Variants in RAD51B observed in about 807,000 individuals in gnomAD.
RAD51B encodes DNA repair protein RAD51 homolog 2.
In RAD51B, 38 loss-of-function variants were observed where a neutral mutation model predicts 42.2. The observed-to-expected ratio is 0.90, with a 90% CI of 0.70 to 1.18. The LOEUF is 1.18. Ranked by LOEUF, RAD51B falls within the 50% of genes most tolerant of loss-of-function variation. RAD51B has a pLI of 0.00. For synonymous variants in RAD51B, 154 were observed against 145.2 expected (o/e 1.06, Z -0.43); for missense variants, 373 against 400.7 (o/e 0.93, Z 0.59).
At chr14:68,011,695 AC>A (rs1172325534) in intron 7 of RAD51B, among the ~76,000 whole-genome samples, 1 of 151,980 alleles carries the variant, frequency 6.6e-6, no homozygotes, top group Non-Finnish European at 1.5e-5. Flanking sequence ...TGGACTCTGA[AC>A]CTGTTTTTGT....
chr14:68,159,539 G>T (rs2078591560), intron 7 of RAD51B, among the ~76,000 whole-genome samples: 1 of 151,244 alleles, frequency 6.6e-6, no homozygotes, highest in African/African-American at 2.4e-5. Flanking sequence ...AGAATCACTT[G>T]AACCTGGGAG....
intron 7 of RAD51B, among the ~76,000 whole-genome samples, chr14:68,166,965 A>G (rs1026777985): frequency 2.0e-5 from 3 of 151,956 alleles, no homozygotes; most frequent in Non-Finnish European, 2.9e-5. Flanking sequence ...TTACTACCTT[A>G]ATTCGGCTTT....
At chr14:68,074,732 G>T (rs1269667823) in intron 7 of RAD51B, among the ~76,000 whole-genome samples, 2 of 152,194 alleles carry the variant, frequency 1.3e-5, no homozygotes, top group African/African-American at 2.4e-5. Context: ...GAGGGCCGAG[G>T]CTTTGTGCAG....
chr14:68,353,954 A>G (rs2082842267), intron 8 of RAD51B, among the ~76,000 whole-genome samples: 1 of 152,210 alleles, frequency 6.6e-6, no homozygotes, highest in Admixed American at 6.5e-5. Context: ...CCTAAGTCAC[A>G]TGTATACGTT....
At chr14:67,850,483 G>A (rs1351087609) in intron 4 of RAD51B, among the ~76,000 whole-genome samples, 2 of 152,118 alleles carry the variant, frequency 1.3e-5, no homozygotes, top group African/African-American at 4.8e-5. Flanking sequence ...TGTATATTGG[G>A]CTGTGGAGTT....
At chr14:68,592,145 C>G (rs2140079543) in intron 10 of RAD51B, among the ~76,000 whole-genome samples, 1 of 152,220 alleles carries the variant, frequency 6.6e-6, no homozygotes, top group East Asian at 1.9e-4. Context: ...TGAATGAAAG[C>G]TCCTAAACCC....
At chr14:68,011,343 T>C (rs188941218) in intron 7 of RAD51B, among the ~76,000 whole-genome samples, 3 of 152,204 alleles carry the variant, frequency 2.0e-5, no homozygotes, top group Non-Finnish European at 4.4e-5. Flanking sequence ...GATGAGTTCA[T>C]TTCCTCACTC....
chr14:68,088,296 A>G (rs1251992210), intron 7 of RAD51B, among the ~76,000 whole-genome samples: 1 of 151,782 alleles, frequency 6.6e-6, no homozygotes, highest in Non-Finnish European at 1.5e-5. Flanking sequence ...ATAAAATTCT[A>G]GACTTTTTAA....
At chr14:68,313,638 G>A (rs1236966654) in intron 8 of RAD51B, among the ~76,000 whole-genome samples, 1 of 152,046 alleles carries the variant, frequency 6.6e-6, no homozygotes, top group African/African-American at 2.4e-5. Flanking sequence ...GGCATTTTGG[G>A]CACCCCTCTT....
chr14:67,853,957 C>G (rs2041903342), intron 4 of RAD51B, among the ~76,000 whole-genome samples: 4 of 152,274 alleles, frequency 2.6e-5, no homozygotes, highest in Admixed American at 2.6e-4. Context: ...TGCGGACCTG[C>G]TGAAGGAAGT....
chr14:68,211,793 G>A (rs781459213), intron 7 of RAD51B, among the ~76,000 whole-genome samples: 1 of 152,196 alleles, frequency 6.6e-6, no homozygotes, highest in Non-Finnish European at 1.5e-5. Context: ...GTTGTGCCCT[G>A]TACCCACAGT....
rs758918934 is a variant in RAD51B at position 67,968,104 on chromosome 14, T to C, written c.756+80900T>C. On this transcript the variant is annotated intron_variant, in intron 7 of 10. Transcript: ENST00000471583. Reference sequence around the variant, plus strand: ...TTGGAGCTTGTACTCTCTGAAACTATGCGCTGAGCTGTACCTTGACCCCTT... The same window carrying C: ...TTGGAGCTTGTACTCTCTGAAACTACGCGCTGAGCTGTACCTTGACCCCTT... Among the ~76,000 whole-genome samples the C allele has an allele frequency of 4.3e-4, 66 of 152,224 alleles. 1 individual carries two copies. Among genetic ancestry groups the C allele is most frequent in the Non-Finnish European group, 6.3e-4 (43 of 68,038 alleles).
At chr14:68,285,986 A>G (rs2081407323) in intron 7 of RAD51B, among the ~76,000 whole-genome samples, 1 of 152,228 alleles carries the variant, frequency 6.6e-6, no homozygotes, top group South Asian at 2.1e-4. Context: ...GCAGAGTCTG[A>G]AAAGACTTTT....
chr14:68,199,242 G>A (rs1225107389), intron 7 of RAD51B, among the ~76,000 whole-genome samples: 1 of 152,164 alleles, frequency 6.6e-6, no homozygotes, highest in Non-Finnish European at 1.5e-5. Context: ...AGCACAGAAA[G>A]ACTATTTTTT....
At chr14:67,986,825 A>G (rs1353949011) in intron 7 of RAD51B, among the ~76,000 whole-genome samples, 4 of 152,154 alleles carry the variant, frequency 2.6e-5, no homozygotes, top group African/African-American at 9.7e-5. Flanking sequence ...TCTGCTTCCC[A>G]GGTTCAAGTG....
At chr14:68,618,560 T>A (rs1210839872) in intron 10 of RAD51B, among the ~76,000 whole-genome samples, 1 of 152,226 alleles carries the variant, frequency 6.6e-6, no homozygotes, top group Non-Finnish European at 1.5e-5. Flanking sequence ...CCCTAAATCC[T>A]GTCCATAGCT....
intron 8 of RAD51B, among the ~76,000 whole-genome samples, chr14:68,392,044 A>G (rs1435509042): frequency 6.6e-6 from 1 of 152,234 alleles, no homozygotes; most frequent in Non-Finnish European, 1.5e-5. Flanking sequence ...AATCAGAGAG[A>G]TGAAATACTA....
chr14:68,227,267 G>T (rs946028399), intron 7 of RAD51B, among the ~76,000 whole-genome samples: 2 of 152,202 alleles, frequency 1.3e-5, no homozygotes, highest in African/African-American at 4.8e-5. Flanking sequence ...CCAGGCCCCA[G>T]ATATGGATGC....
intron 7 of RAD51B, among the ~76,000 whole-genome samples, chr14:68,248,328 G>T (rs1187412429): frequency 1.3e-5 from 2 of 152,050 alleles, no homozygotes; most frequent in Non-Finnish European, 2.9e-5. Context: ...GGGTTTTTGA[G>T]GTTATGTTCT....
Sources: allele counts gnomAD v4.1 joint callset (sites outside exome capture counted in the v4.1 genomes callset), GRCh38; gene constraint gnomAD v4.1.1; transcripts MANE v1.5; gene names NCBI Gene and HGNC (gene_info 2026-07-23, HGNC 2026-07-21).